The following EML4 variants were observed in gnomAD, a reference collection of about 807,000 sequenced individuals.
The protein encoded by EML4 is echinoderm microtubule-associated protein-like 4.
EML4 carries 72 observed loss-of-function variants against 129.0 expected under a neutral mutation model. The ratio of observed to expected loss-of-function variants is 0.56; its 90% CI spans 0.46 to 0.68. The LOEUF (loss-of-function observed/expected upper bound fraction) is 0.68. Ranked by LOEUF, EML4 falls within the 30% of genes least tolerant of loss-of-function variation. The pLI, the probability that EML4 is intolerant of heterozygous loss-of-function variation, is 0.00. For missense variants in EML4, 1,363 were observed against 1,190.6 expected, an observed-to-expected ratio of 1.14 and a Z score of -2.13; for synonymous variants, 532 against 405.0, an observed-to-expected ratio of 1.31 and a Z score of -3.77.
intron 1 of EML4, among the ~76,000 whole-genome samples, chr2:42,245,094 C>CTTTCTTTTTTTTTTTTTTT (rs1336279430): frequency 6.0e-5 from 4 of 66,568 alleles, no homozygotes; most frequent in African/African-American, 1.9e-4. Flanking sequence ...AATTTTCTTT[C>CTTTCTTTTTTTTTTTTTTT]TTTTTTTTTT....
intron 2 of EML4, 44 bp from the exon 3 acceptor site, chr2:42,256,457 A>G: frequency 6.5e-7 from 1 of 1,549,478 alleles, no homozygotes; most frequent in East Asian, 2.4e-5. Context: ...TCTTTAAGGA[A>G]TATATTCAAA....
chr2:42,283,323 T>A (rs1030519129), intron 8 of EML4, among the ~76,000 whole-genome samples: 2 of 152,214 alleles, frequency 1.3e-5, no homozygotes, highest in Non-Finnish European at 1.5e-5. Context: ...TCGATATTTA[T>A]TGAGGATTTG....
intron 9 of EML4, among the ~76,000 whole-genome samples, chr2:42,285,110 C>T (rs1667216300): frequency 6.6e-6 from 1 of 151,810 alleles, no homozygotes; most frequent in South Asian, 2.1e-4. Context: ...AATCTCACTT[C>T]GTTGCCCAGG....
intron 4 of EML4, among the ~76,000 whole-genome samples, chr2:42,262,001 A>G (rs1291364960): frequency 6.6e-6 from 1 of 152,084 alleles, no homozygotes; most frequent in Non-Finnish European, 1.5e-5. Context: ...ATTGAGACCA[A>G]TCTAATTAAA....
intron 1 of EML4, among the ~76,000 whole-genome samples, chr2:42,183,988 C>T (rs139489383): frequency 5.9e-4 from 90 of 152,206 alleles, no homozygotes; most frequent in Non-Finnish European, 8.5e-4. Context: ...TCTTTCTTTC[C>T]GGACTTTAAC....
intron 1 of EML4, among the ~76,000 whole-genome samples, chr2:42,223,879 T>C (rs1019242032): frequency 2.0e-5 from 3 of 152,162 alleles, no homozygotes; most frequent in Admixed American, 6.5e-5. Flanking sequence ...TGTGCCCTCA[T>C]GTAGGTGATT....
chr2:42,185,424 G>A (rs1199738063), intron 1 of EML4, among the ~76,000 whole-genome samples: 2 of 152,182 alleles, frequency 1.3e-5, no homozygotes, highest in African/African-American at 2.4e-5. Context: ...CAAATGGCCT[G>A]CAGAGCCTAA....
intron 2 of EML4, among the ~76,000 whole-genome samples, chr2:42,253,511 C>T (rs1295080942): frequency 6.6e-6 from 1 of 152,094 alleles, no homozygotes; most frequent in Non-Finnish European, 1.5e-5. Flanking sequence ...TGTGGTAGGT[C>T]ATTCTGGCAC....
chr2:42,200,038 G>A (rs566678436), intron 1 of EML4, among the ~76,000 whole-genome samples: 5 of 152,076 alleles, frequency 3.3e-5, no homozygotes, highest in African/African-American at 7.2e-5. Context: ...GGCCAGGCGC[G>A]GTGGCTGACG....
At chr2:42,283,589 AT>A (rs1572686551) in intron 8 of EML4, among the ~76,000 whole-genome samples, 2 of 152,236 alleles carry the variant, frequency 1.3e-5, no homozygotes, top group East Asian at 3.9e-4. Context: ...GTTTTCCAAC[AT>A]TTAAAAGCTT....
At chr2:42,312,298 CA>C (rs376224577) in intron 17 of EML4, among the ~76,000 whole-genome samples, 284 of 152,088 alleles carry the variant, frequency 1.9e-3, no homozygotes, top group African/African-American at 6.5e-3. Flanking sequence ...CAGGGCATTC[CA>C]AAATTAACCT....
At chr2:42,216,431 C>T (rs1175283440) in intron 1 of EML4, among the ~76,000 whole-genome samples, 1 of 151,092 alleles carries the variant, frequency 6.6e-6, no homozygotes. Context: ...TTAGTAGAGA[C>T]GGGGTTTCAG....
At chr2:42,217,854 C>T (rs1243971020) in intron 1 of EML4, among the ~76,000 whole-genome samples, 1 of 149,972 alleles carries the variant, frequency 6.7e-6, no homozygotes, top group Non-Finnish European at 1.5e-5. Flanking sequence ...AGATTTACTT[C>T]TAAATATGTA....
intron 1 of EML4, among the ~76,000 whole-genome samples, chr2:42,231,052 C>G (rs981700013): frequency 6.6e-6 from 1 of 152,202 alleles, no homozygotes; most frequent in African/African-American, 2.4e-5. Context: ...TAAACCCTTT[C>G]CATCTTCAAT....
At chr2:42,250,199 A>T (rs1351530899) in intron 2 of EML4, among the ~76,000 whole-genome samples, 1 of 152,232 alleles carries the variant, frequency 6.6e-6, no homozygotes, top group Non-Finnish European at 1.5e-5. Flanking sequence ...GGTTAAGCCA[A>T]AGTGTGAAGC....
intron 6 of EML4, among the ~76,000 whole-genome samples, chr2:42,269,913 G>T (rs1192527455): frequency 6.6e-6 from 1 of 152,120 alleles, no homozygotes; most frequent in Non-Finnish European, 1.5e-5. Context: ...GGGCAAATGA[G>T]TAGTAAACAT....
At chr2:42,329,693 A>G (rs1669994919) in intron 22 of EML4, 41 bp from the exon 23 acceptor site, 1 of 1,543,484 alleles carries the variant, frequency 6.5e-7, no homozygotes, top group Admixed American at 1.7e-5. Context: ...CATGTCAAGA[A>G]TGAGTTTAAT....
At chr2:42,272,689 T>A (rs12712839) in intron 6 of EML4, among the ~76,000 whole-genome samples, 76,924 of 151,800 alleles carry the variant, frequency 0.51, 19,786 homozygotes, top group East Asian at 0.74. Flanking sequence ...AGATTTTTTT[T>A]AAAAAGTATG....
chr2:42,186,116 G>A (rs561689349), intron 1 of EML4, among the ~76,000 whole-genome samples: 1 of 152,150 alleles, frequency 6.6e-6, no homozygotes. Flanking sequence ...GAACTTTGCT[G>A]TGTCTGTTTT....
Sources: allele counts gnomAD v4.1 joint callset (sites outside exome capture counted in the v4.1 genomes callset), GRCh38; gene constraint gnomAD v4.1.1; transcripts MANE v1.5; gene names NCBI Gene and HGNC (gene_info 2026-07-23, HGNC 2026-07-21).